The following DYNC2I1 variants were observed in gnomAD, a reference collection of about 807,000 sequenced individuals.
The protein encoded by DYNC2I1 is dynein 2 intermediate chain 1, also known as cytoplasmic dynein 2 intermediate chain 1.
In DYNC2I1, 89 loss-of-function variants were observed where a neutral mutation model predicts 133.4. The ratio of observed to expected loss-of-function variants is 0.67; its 90% CI spans 0.56 to 0.80. The LOEUF is 0.80. Ranked by LOEUF, DYNC2I1 falls within the 30% of genes least tolerant of loss-of-function variation. The pLI is 0.00. For synonymous variants in DYNC2I1, 504 were observed against 484.3 expected (o/e 1.04, Z -0.54); for missense variants, 1,291 against 1,314.5 (o/e 0.98, Z 0.28).
chr7:158,849,445 C>T, the DYNC2I1 span, among the ~76,000 whole-genome samples: 3,092 of 152,286 alleles, frequency 0.02, 113 homozygotes, highest in African/African-American at 0.07. Context: ...TCTGTGGTTG[C>T]TGTGCCTTTG....
chr7:158,860,877 G>A (rs967799936), intron 1 of DYNC2I1, among the ~76,000 whole-genome samples: 1 of 152,208 alleles, frequency 6.6e-6, no homozygotes, highest in African/African-American at 2.4e-5. Flanking sequence ...TTTTTAGAAA[G>A]GCTGAATGTT....
chr7:158,854,992 G>T (rs1396405649), upstream of DYNC2I1, among the ~76,000 whole-genome samples: 1 of 152,238 alleles, frequency 6.6e-6, no homozygotes, highest in African/African-American at 2.4e-5. Flanking sequence ...GAGCCTTGCA[G>T]CCTGCAAAGC....
At chr7:158,947,186 G>A (rs375864373), downstream of DYNC2I1, among the ~76,000 whole-genome samples, 6 of 152,186 alleles carry the variant, frequency 3.9e-5, no homozygotes, top group East Asian at 1.9e-4. Flanking sequence ...TCACAGTCAC[G>A]TGGGGAAGGA....
intron 13 of DYNC2I1, 54 bp from the exon 14 acceptor site, chr7:158,914,179 G>A: frequency 6.9e-7 from 1 of 1,441,224 alleles, no homozygotes; most frequent in Non-Finnish European, 9.6e-7. Flanking sequence ...GATGTGTAAT[G>A]CATGATTATT....
At chr7:158,876,561 G>T in intron 3 of DYNC2I1, 48 bp from the exon 4 acceptor site, 1 of 1,509,236 alleles carries the variant, frequency 6.6e-7, no homozygotes, top group South Asian at 1.3e-5. Flanking sequence ...AGAGTTTTTT[G>T]ATGTGCTAAC....
chr7:158,866,794 A>G (rs1206544098), intron 1 of DYNC2I1, among the ~76,000 whole-genome samples: 1 of 151,962 alleles, frequency 6.6e-6, no homozygotes, highest in East Asian at 1.9e-4. Context: ...CTGAGCCACG[A>G]GAATTGCTTG....
chr7:158,918,925 A>C (rs993201408), intron 15 of DYNC2I1, 56 bp downstream of exon 15: 10 of 1,560,182 alleles, frequency 6.4e-6, no homozygotes, highest in Non-Finnish European at 8.8e-6. Flanking sequence ...ATTCATGTTG[A>C]AATAATACTC....
intron 15 of DYNC2I1, among the ~76,000 whole-genome samples, chr7:158,920,893 C>T (rs982609927): frequency 2.6e-5 from 4 of 152,102 alleles, no homozygotes; most frequent in African/African-American, 7.2e-5. Context: ...TATTAAAACA[C>T]GCGGCAGAAT....
chr7:158,876,820 A>G (rs1183718972), intron 4 of DYNC2I1, 129 bp downstream of exon 4: 1 of 1,216,278 alleles, frequency 8.2e-7, no homozygotes, highest in Non-Finnish European at 1.1e-6. Flanking sequence ...AAAGGCCTCC[A>G]GCACTGTGTA....
At position 158,884,597 on chromosome 7, in the gene DYNC2I1, A is replaced by C; in HGVS notation, c.913A>C (p.Lys305Gln). The change falls in exon 6 of 25, where the codon AAA (lysine) becomes CAA (glutamine). Residue 305 changes from lysine (K) to glutamine (Q), a missense_variant. Transcript: ENST00000407559. ...ACACAGAAATCGAGGTGCAAGCTCA[A>C]AAAGAGATGGGACCAGCAGCCAGTA... ...GEHRNRGASS[K>Q]RDGTSSQHAE... is the part of the protein sequence containing the mutation. The C allele has an allele frequency of 1.2e-6, 2 of 1,613,394 alleles. No homozygotes were observed. Among genetic ancestry groups the C allele is most frequent in the Non-Finnish European group, 1.7e-6 (2 of 1,179,634 alleles).
At chr7:158,943,823 G>A (rs1279385929) in intron 24 of DYNC2I1, among the ~76,000 whole-genome samples, 1 of 152,186 alleles carries the variant, frequency 6.6e-6, no homozygotes, top group African/African-American at 2.4e-5. Context: ...AGACCCCGAT[G>A]ACTGGCTGCC....
Position 158,871,484 on chromosome 7 carries a change from G to T in DYNC2I1, c.412G>T (p.Val138Leu). 6.5e-7 allele frequency: 1 copy of T among 1,548,190 alleles called. No individual in the cohort carries two copies. The highest frequency in any genetic ancestry group is 8.7e-7 in the Non-Finnish European group (1 of 1,146,868). Reference protein sequence around the residue: ...RARKEELRQTVAHHNLLGQET... With the variant: ...RARKEELRQTLAHHNLLGQET... ...CCGGAAGGAAGAGCTCCGGCAGACC[G>T]TGGCCCACCACAACCTGCTGGGCCA... The change falls in exon 3 of 25, where the codon GTG becomes TTG. Residue 138 changes from valine (V) to leucine (L), a missense_variant. By Grantham distance (32) the Val-to-Leu change is conservative. Coordinates refer to ENST00000407559, the MANE Select transcript of DYNC2I1 (RefSeq NM_018051.5).
the DYNC2I1 span, among the ~76,000 whole-genome samples, chr7:158,848,731 T>C: frequency 1.3e-5 from 2 of 152,270 alleles, no homozygotes; most frequent in African/African-American, 4.8e-5. Context: ...GAGACCATTC[T>C]GGCTAACACG....
chr7:158,914,116 T>C (rs1847769767), intron 13 of DYNC2I1, 117 bp from the exon 14 acceptor site: 2 of 770,448 alleles, frequency 2.6e-6, no homozygotes, highest in Middle Eastern at 3.3e-4. Flanking sequence ...GTTTTCTGTC[T>C]TTTCCTTCTG....
rs777679941 is a variant in DYNC2I1 at position 158,911,662 on chromosome 7, A to G, written c.1573A>G (p.Lys525Glu). 2.9e-4 allele frequency: 457 copies of G among 1,602,808 alleles called. 1 individual carries two copies. The highest frequency in any genetic ancestry group is 3.4e-4 in the Non-Finnish European group (404 of 1,175,062). The change falls in exon 12 of 25, where the codon AAA (lysine) becomes GAA (glutamate). Residue 525 changes from lysine (K) to glutamate (E), a missense_variant. Lys to Glu is a moderately conservative substitution (Grantham distance 56). Coordinates refer to ENST00000407559, the MANE Select transcript of DYNC2I1 (RefSeq NM_018051.5). The part of the protein sequence containing the change: ...EYDMYIRNFG[K>E]KNTKQAYVQC... The stretch of plus-strand genomic sequence containing the variant: ...TGACATGTATATCAGAAACTTTGGG[A>G]AAAAAAATACCAAGCAGGTAAGTAT...
At chr7:158,949,126 C>T (rs1321881491), downstream of DYNC2I1, among the ~76,000 whole-genome samples, 5 of 152,050 alleles carry the variant, frequency 3.3e-5, no homozygotes, top group Admixed American at 2.0e-4. Flanking sequence ...ACAGCACCAC[C>T]GTCCAACAGC....
At chr7:158,926,339 G>T (rs376747352) in intron 18 of DYNC2I1, 39 bp downstream of exon 18, 1 of 1,601,926 alleles carries the variant, frequency 6.2e-7, no homozygotes, top group African/African-American at 1.3e-5. Context: ...CTTCATCAAT[G>T]GTTGTGAAAT....
At chr7:158,890,825 C>T (rs952059268) in intron 7 of DYNC2I1, among the ~76,000 whole-genome samples, 7 of 152,140 alleles carry the variant, frequency 4.6e-5, no homozygotes, top group Admixed American at 1.3e-4. Flanking sequence ...CCGCCCGCCT[C>T]GGCCTCCCAG....
At chr7:158,869,943 C>T (rs1310383677) in intron 2 of DYNC2I1, 35 bp downstream of exon 2, 3 of 1,592,648 alleles carry the variant, frequency 1.9e-6, no homozygotes, top group African/African-American at 2.7e-5. Context: ...GGGATCTGTG[C>T]AGGACTCGTG....
Sources: allele counts gnomAD v4.1 joint callset (sites outside exome capture counted in the v4.1 genomes callset), GRCh38; gene constraint gnomAD v4.1.1; transcripts MANE v1.5; gene names NCBI Gene and HGNC (gene_info 2026-07-23, HGNC 2026-07-21).